ADAMTS2: variants seen among roughly 807,000 people sequenced by gnomAD.
ADAMTS2 encodes the protein ADAM metallopeptidase with thrombospondin type 1 motif 2.
Under a neutral mutation model 123.0 loss-of-function variants are expected in ADAMTS2, and 50 were observed. The ratio of observed to expected loss-of-function variants is 0.41; its 90% CI spans 0.32 to 0.51. The LOEUF (loss-of-function observed/expected upper bound fraction) is 0.51, where lower values mean the gene tolerates loss of function less well. ADAMTS2 is among the 20% of genes least tolerant of loss of function. The probability of loss-of-function intolerance (pLI) is 0.35; values close to 1 mark genes in which losing one functional copy is unlikely to be tolerated. For synonymous variants in ADAMTS2, 678 were observed against 695.4 expected (o/e 0.98, Z 0.39); for missense variants, 1,494 against 1,705.2 (o/e 0.88, Z 2.18).
chr5:179,132,829 G>A lies in ADAMTS2; in HGVS notation c.2157C>T (p.Asn719=). The part of the protein sequence containing the change: ...EDKCGVCGGD[N]SHCKVVKGTF... The stretch of plus-strand genomic sequence containing the variant: ...TGCCCTTGACCACTTTGCAGTGGCT[G>A]TTGTCCCCTCCGCACACGCCACACT... Residue 719 remains asparagine, a synonymous_variant, in exon 14 of 22, where the codon AAC becomes AAT. Coordinates refer to ENST00000251582, the MANE Select transcript of ADAMTS2 (RefSeq NM_014244.5). The surrounding 1 kb of genome is among the most constrained non-coding windows in gnomAD (Gnocchi z 6.1). 1.2e-6 allele frequency: 2 copies of A among 1,614,124 alleles called. No individual in the cohort carries two copies. The highest frequency in any genetic ancestry group is 2.2e-5 in the South Asian group (2 of 91,084).
chr5:179,130,038 C>A lies in ADAMTS2; in HGVS notation c.2351G>T (p.Ser784Ile), dbSNP rs749754452. Residue 784 changes from serine to isoleucine, a missense_variant, in exon 16 of 22, where the codon AGT becomes ATT. This residue lies in a region of ADAMTS2 where 953 missense variants were observed against 1,124.7 expected (regional missense o/e 0.85). Transcript: ENST00000251582. This position sits in a 1 kb window ranked among gnomAD's most constrained non-coding sequence, Gnocchi z 4.3. ...GCCCATGGCAATGAAGGTTTTGGAA[C>A]TGGCATCCACGTCATTCTCTTCATT... ...ILNEENDVDA[S>I]SKTFIAMGVE... 5 of 1,614,082 alleles carry A rather than the reference C, an allele frequency of 3.1e-6. No individual in the cohort carries two copies. Among genetic ancestry groups the A allele is most frequent in the African/African-American group, 1.3e-5 (1 of 74,956 alleles).
At chr5:179,216,448 C>T (rs564626046) in intron 3 of ADAMTS2, among the ~76,000 whole-genome samples, 5 of 152,170 alleles carry the variant, frequency 3.3e-5, no homozygotes, top group South Asian at 2.1e-4. Context: ...GGAGGCAGGC[C>T]GTGGCGAGCT....
chr5:179,329,001 C>T (rs1757387216), intron 2 of ADAMTS2, among the ~76,000 whole-genome samples: 1 of 152,108 alleles, frequency 6.6e-6, no homozygotes, highest in African/African-American at 2.4e-5. Context: ...TGTCAACCAA[C>T]AGCAATTAAA....
chr5:179,289,649 C>T (rs1756130707), intron 2 of ADAMTS2, among the ~76,000 whole-genome samples: 1 of 152,138 alleles, frequency 6.6e-6, no homozygotes. Flanking sequence ...CCTGAAAAAA[C>T]CTCACAGTCA....
At position 179,188,941 on chromosome 5, in the gene ADAMTS2, G is replaced by A. The variant is rs897978126; in HGVS notation, c.892-7786C>T. On this transcript the variant is annotated intron_variant, in intron 4 of 21. Transcript: ENST00000251582. This position sits in a 1 kb window ranked among gnomAD's most constrained non-coding sequence, Gnocchi z 5.1. ...CAAACCTTCCCGGGTTTGTACTAAC[G>A]ACGGCAAGAGGCTGCCCCTCCCCCT... is the stretch of plus-strand genomic sequence containing the variant. Among the ~76,000 whole-genome samples the A allele has an allele frequency of 2.0e-5, 3 of 152,108 alleles. No individual in the cohort carries two copies.
At chr5:179,265,181 G>A (rs1488404902) in intron 3 of ADAMTS2, among the ~76,000 whole-genome samples, 6 of 152,210 alleles carry the variant, frequency 3.9e-5, no homozygotes, top group African/African-American at 1.4e-4. Context: ...ACTCGAGTTG[G>A]GGCTGCAGCC....
chr5:179,168,396 A>G (rs1377740398), intron 5 of ADAMTS2, among the ~76,000 whole-genome samples: 1 of 152,182 alleles, frequency 6.6e-6, no homozygotes, highest in African/African-American at 2.4e-5. Context: ...CTCCCAGAGC[A>G]GAGTGGCTCC....
At chr5:179,270,976 T>TC (rs1766516614) in intron 3 of ADAMTS2, among the ~76,000 whole-genome samples, 1 of 152,004 alleles carries the variant, frequency 6.6e-6, no homozygotes, top group African/African-American at 2.4e-5. Flanking sequence ...CAGGCTCACC[T>TC]CCTCCCCGAC....
intron 3 of ADAMTS2, among the ~76,000 whole-genome samples, chr5:179,241,497 C>T (rs1765671290): frequency 1.3e-5 from 2 of 152,194 alleles, no homozygotes; most frequent in South Asian, 2.1e-4. Context: ...GGGCTTTGGG[C>T]CTCACTGCCT....
At position 179,186,656 on chromosome 5, in the gene ADAMTS2, A is replaced by C. The variant is rs530702800; in HGVS notation, c.892-5501T>G. Among the ~76,000 whole-genome samples, 17 of 152,346 alleles carry C rather than the reference A, an allele frequency of 1.1e-4. No homozygotes were observed. In the South Asian group the frequency reaches 3.5e-3, roughly 32 times the overall value. On this transcript the variant is annotated intron_variant, in intron 4 of 21. Coordinates refer to ENST00000251582, the MANE Select transcript of ADAMTS2 (RefSeq NM_014244.5). The stretch of plus-strand genomic sequence containing the variant: ...ACACTGGCGTCCTCAGTAAGGACAC[A>C]GCGGCAACATTTCTGCAGAGCAGAG...
At position 179,130,788 on chromosome 5, in the gene ADAMTS2, CG is replaced by C. The variant is rs1454344466; in HGVS notation, c.2291-691del. ...CTAGTGAGAAAATCATTCCCTGTCA[CG>C]TCCCCTGTAATTCTGTCCACTCACA... is the stretch of plus-strand genomic sequence containing the variant. On this transcript the variant is annotated intron_variant, in intron 15 of 21. Coordinates refer to ENST00000251582, the MANE Select transcript of ADAMTS2 (RefSeq NM_014244.5). This position sits in a 1 kb window ranked among gnomAD's most constrained non-coding sequence, Gnocchi z 4.3. 2.0e-5 allele frequency among the ~76,000 whole-genome samples: 3 copies of C among 152,164 alleles called. No individual in the cohort carries two copies. Among genetic ancestry groups the C allele is most frequent in the African/African-American group, 7.2e-5 (3 of 41,426 alleles).
chr5:179,125,985 T>TG lies in ADAMTS2; in HGVS notation c.2750+12dup, dbSNP rs1269887279. ...TGTCTCCTCTAGTGGGAGCCCGAGC[T>TG]GGGGGCACTCACACTGGCTGGGAGC... On this transcript the variant is annotated intron_variant, in intron 18 of 21. Transcript: ENST00000251582. 3 of 1,613,238 alleles carry TG rather than the reference T, an allele frequency of 1.9e-6. No individual in the cohort carries two copies. Among genetic ancestry groups the TG allele is most frequent in the Non-Finnish European group, 2.5e-6 (3 of 1,179,994 alleles).
At chr5:179,126,973 C>A (rs1351397196) in intron 17 of ADAMTS2, among the ~76,000 whole-genome samples, 3 of 152,218 alleles carry the variant, frequency 2.0e-5, no homozygotes, top group Non-Finnish European at 2.9e-5. Context: ...TGGAGATATA[C>A]TGGGAGAGGC....
At chr5:179,342,954 G>T (rs912270366) in intron 2 of ADAMTS2, among the ~76,000 whole-genome samples, 1 of 152,186 alleles carries the variant, frequency 6.6e-6, no homozygotes, top group African/African-American at 2.4e-5. Context: ...GTCTCAAAAG[G>T]GATCCCCTAG....
rs996944125 is a variant in ADAMTS2, at chr5:179,181,315, C to G, written c.892-160G>C. Among the ~76,000 whole-genome samples, 21 of 152,146 alleles carry G rather than the reference C, an allele frequency of 1.4e-4. No homozygotes were observed. Among genetic ancestry groups the G allele is most frequent in the Admixed American group, 2.6e-4 (4 of 15,272 alleles). On this transcript the variant is annotated intron_variant, in intron 4 of 21. Transcript: ENST00000251582. The surrounding 1 kb of genome is among the most constrained non-coding windows in gnomAD (Gnocchi z 4.1). ...ACCTTGTGACCCCTCCCTCATTGCC[C>G]CCTGCCCTCTGCCTCTCCAGGCTGC... is the stretch of plus-strand genomic sequence containing the variant.
At position 179,152,380 on chromosome 5, in the gene ADAMTS2, G is replaced by A. The variant is rs1213802584; in HGVS notation, c.1516-125C>T. On this transcript the variant is annotated intron_variant, in intron 9 of 21. Coordinates refer to ENST00000251582, the MANE Select transcript of ADAMTS2 (RefSeq NM_014244.5). ...GGACTGGCCCATGATGGGCCCGTGAGGCTGGTGGGTGTTGTGATTCTGGGG... is the reference window on the plus strand; with the variant it reads ...GGACTGGCCCATGATGGGCCCGTGAAGCTGGTGGGTGTTGTGATTCTGGGG... 13 of 900,782 alleles carry A rather than the reference G, an allele frequency of 1.4e-5. No homozygotes were observed. In the South Asian group the frequency reaches 1.8e-4, roughly 13 times the overall value. The allele number at this position is 900,782 out of a possible 1,614,324, so 55.8% of individuals were successfully genotyped here. A position where few individuals can be genotyped will look rare whatever the true frequency, so the allele number is the denominator to read the frequency against.
At chr5:179,322,817 C>T (rs1232373171) in intron 2 of ADAMTS2, among the ~76,000 whole-genome samples, 1 of 152,230 alleles carries the variant, frequency 6.6e-6, no homozygotes, top group African/African-American at 2.4e-5. Context: ...CTGACGGTAC[C>T]AGGGGGAGTT....
intron 5 of ADAMTS2, among the ~76,000 whole-genome samples, chr5:179,179,818 A>G (rs1243055288): frequency 6.6e-6 from 1 of 152,148 alleles, no homozygotes; most frequent in African/African-American, 2.4e-5. Context: ...TCATTTTTAC[A>G]TCGTGTGCCT....
At chr5:179,204,152 A>G (rs1013930347) in intron 4 of ADAMTS2, among the ~76,000 whole-genome samples, 6 of 152,216 alleles carry the variant, frequency 3.9e-5, no homozygotes, top group Admixed American at 3.9e-4. Context: ...TCAAATTCTC[A>G]GAAACAGAAA....
Sources: allele counts gnomAD v4.1 joint callset (sites outside exome capture counted in the v4.1 genomes callset), GRCh38; gene constraint gnomAD v4.1.1; regional missense constraint gnomAD v4.1.1; non-coding constraint Gnocchi (gnomAD v3.1); transcripts MANE v1.5; gene names NCBI Gene and HGNC (gene_info 2026-07-23, HGNC 2026-07-21).